Variants in TOX observed in about 807,000 individuals in gnomAD.
TOX encodes the protein thymocyte selection-associated high mobility group box protein TOX.
A neutral mutation model predicts 53.7 loss-of-function variants in TOX; 11 were observed. That is an observed-to-expected ratio of 0.20 (90% CI 0.13 to 0.34). The LOEUF (loss-of-function observed/expected upper bound fraction) is 0.34. Ranked by LOEUF, TOX falls within the 10% of genes least tolerant of loss-of-function variation. The pLI, the probability that TOX is intolerant of heterozygous loss-of-function variation, is 1.00. For missense variants in TOX, 570 were observed against 664.6 expected, an observed-to-expected ratio of 0.86 and a Z score of 1.56; for synonymous variants, 225 against 245.3, an observed-to-expected ratio of 0.92 and a Z score of 0.77.
intron 1 of TOX, among the ~76,000 whole-genome samples, chr8:59,078,170 T>TA (rs1804328271): frequency 6.6e-6 from 1 of 152,216 alleles, no homozygotes; most frequent in East Asian, 1.9e-4. Context: ...TATGAAACTT[T>TA]ATAACACAGC....
At chr8:59,059,813 C>T (rs1291400917) in intron 1 of TOX, among the ~76,000 whole-genome samples, 2 of 151,698 alleles carry the variant, frequency 1.3e-5, no homozygotes, top group East Asian at 3.9e-4. Flanking sequence ...CTCTTGTTAT[C>T]GTGGCCAGAA....
intron 1 of TOX, among the ~76,000 whole-genome samples, chr8:59,037,254 T>C (rs892995441): frequency 6.6e-6 from 1 of 151,998 alleles, no homozygotes; most frequent in African/African-American, 2.4e-5. Context: ...TTATCAAATG[T>C]TGGTATATTT....
intron 1 of TOX, among the ~76,000 whole-genome samples, chr8:59,043,561 A>G (rs957022379): frequency 6.6e-6 from 1 of 152,224 alleles, no homozygotes; most frequent in Non-Finnish European, 1.5e-5. Context: ...TCCTTTCTCT[A>G]TAGACGGTTA....
intron 1 of TOX, among the ~76,000 whole-genome samples, chr8:59,062,517 G>A (rs945393666): frequency 1.2e-4 from 19 of 152,184 alleles, no homozygotes; most frequent in Admixed American, 2.0e-4. Context: ...GGAGGAGGTA[G>A]TTTCTACTTA....
At chr8:58,815,292 T>A in intron 7 of TOX, 46 bp downstream of exon 7, 1 of 1,530,390 alleles carries the variant, frequency 6.5e-7, no homozygotes, top group Non-Finnish European at 8.8e-7. Context: ...ACCACCACAC[T>A]TCAGAATAGG....
intron 1 of TOX, among the ~76,000 whole-genome samples, chr8:59,052,505 A>G (rs539492329): frequency 6.6e-6 from 1 of 152,344 alleles, no homozygotes; most frequent in Middle Eastern, 3.4e-3. Context: ...AATTAATTCA[A>G]GTGTGGATTT....
At chr8:59,102,267 C>T (rs1804820280) in intron 1 of TOX, among the ~76,000 whole-genome samples, 1 of 151,462 alleles carries the variant, frequency 6.6e-6, no homozygotes, top group Non-Finnish European at 1.5e-5. Context: ...TTGCTTTGTC[C>T]CCCAGCCTGC....
In TOX at chr8:58,987,990, T is replaced by G. The variant is rs571637247; in HGVS notation, c.103-27982A>C. 5.8e-4 allele frequency among the ~76,000 whole-genome samples: 89 copies of G among 152,304 alleles called. No homozygotes were observed. In the South Asian group the frequency reaches 0.013, roughly 22 times the overall value. ...AGTTGAAAGTAATACAGGAATCCAA[T>G]CCAGGTCTTCTGACTCCCAGGGTCT... On this transcript the variant is annotated intron_variant, in intron 1 of 8. Transcript: ENST00000361421.
At position 58,868,838 on chromosome 8, in the gene TOX, A is replaced by G. The variant is rs572779903; in HGVS notation, c.412-17033T>C. 1.8e-4 allele frequency among the ~76,000 whole-genome samples: 27 copies of G among 151,210 alleles called. No individual in the cohort carries two copies. In the South Asian group the frequency reaches 5.6e-3, roughly 32 times the overall value. On this transcript the variant is annotated intron_variant, in intron 3 of 8. Transcript: ENST00000361421. The stretch of plus-strand genomic sequence containing the variant: ...ATAATCAAAATTAGAGGAGGATTCA[A>G]TGAAATCAATAACAGGAAAAGAACA...
In TOX at chr8:59,113,935, A is replaced by T. The variant is rs1805061421; in HGVS notation, c.102+4951T>A. On this transcript the variant is annotated intron_variant, in intron 1 of 8. Transcript: ENST00000361421. ...AAATCACCCTTCACAGCTAAATAAA[A>T]TCACTGTGCTCCCCACTACCTTCGT... Among the ~76,000 whole-genome samples the T allele has an allele frequency of 1.3e-5, 2 of 152,216 alleles. 1 individual carries two copies. Among genetic ancestry groups the T allele is most frequent in the South Asian group, 4.1e-4 (2 of 4,830 alleles).
At chr8:58,832,425 C>T (rs1040719164) in intron 5 of TOX, among the ~76,000 whole-genome samples, 1 of 151,984 alleles carries the variant, frequency 6.6e-6, no homozygotes, top group Non-Finnish European at 1.5e-5. Context: ...AAGATAAACA[C>T]ATGTGTGAAT....
At chr8:58,946,894 CTTAT>C (rs916124127) in intron 2 of TOX, among the ~76,000 whole-genome samples, 1 of 152,066 alleles carries the variant, frequency 6.6e-6, no homozygotes, top group African/African-American at 2.4e-5. Context: ...AAGAATCAGG[CTTAT>C]TTATAAAATT....
At chr8:58,944,420 C>T (rs922857320) in intron 2 of TOX, among the ~76,000 whole-genome samples, 1 of 152,156 alleles carries the variant, frequency 6.6e-6, no homozygotes, top group Non-Finnish European at 1.5e-5. Context: ...TTCTTAAAAC[C>T]TTAAAATTTG....
rs1809957823 is a variant in TOX, at chr8:58,805,438, TTGA to T, written c.*2306_*2308del. 1 of 152,274 alleles carries T rather than the reference TTGA, an allele frequency of 6.6e-6. No homozygotes were observed. The highest frequency in any genetic ancestry group is 2.1e-4 in the South Asian group (1 of 4,834). 9.4% of individuals were successfully genotyped at this position (152,274 alleles called of 1,614,324 possible). On this transcript the variant is annotated 3_prime_UTR_variant, in exon 9 of 9. Transcript: ENST00000361421. ...ACGGTCACGCATAATAACAGTTTTA[TTGA>T]TGATGTGTTTTCTTTTATTTACATT...
intron 1 of TOX, among the ~76,000 whole-genome samples, chr8:59,045,271 A>T (rs1037330049): frequency 1.3e-5 from 2 of 152,182 alleles, no homozygotes; most frequent in African/African-American, 4.8e-5. Context: ...AAGCAACTGC[A>T]CTGTATTTCT....
chr8:59,076,664 AT>A (rs1284460815), intron 1 of TOX, among the ~76,000 whole-genome samples: 1 of 152,086 alleles, frequency 6.6e-6, no homozygotes, highest in Admixed American at 6.6e-5. Flanking sequence ...TTTTATGCTA[AT>A]TTTTTTGCAG....
chr8:58,930,989 T>C (rs1285895589), intron 3 of TOX, among the ~76,000 whole-genome samples: 1 of 152,210 alleles, frequency 6.6e-6, no homozygotes, highest in African/African-American at 2.4e-5. Flanking sequence ...CATCTTTGTT[T>C]GCTAAATAAT....
chr8:59,017,026 C>A (rs1355437721), intron 1 of TOX, among the ~76,000 whole-genome samples: 5 of 152,338 alleles, frequency 3.3e-5, no homozygotes, highest in African/African-American at 1.2e-4. Flanking sequence ...CTGTTTATAG[C>A]CATGAACTCT....
intron 1 of TOX, among the ~76,000 whole-genome samples, chr8:59,021,743 T>C (rs889471003): frequency 2.6e-5 from 4 of 152,050 alleles, no homozygotes; most frequent in African/African-American, 7.2e-5. Context: ...TATACCATTT[T>C]GATTTTCCTT....
Sources: gnomAD v4.1 joint callset for allele counts (sites outside exome capture counted in the v4.1 genomes callset) on GRCh38, gnomAD v4.1.1 for gene constraint, MANE v1.5 for transcripts, NCBI Gene and HGNC (gene_info 2026-07-23, HGNC 2026-07-21) for gene names.